The following CCDC7 variants were observed in gnomAD, a reference collection of about 807,000 sequenced individuals.
CCDC7 encodes coiled-coil domain containing 7, also known as coiled-coil domain-containing protein 7.
Under a neutral mutation model 196.9 loss-of-function variants are expected in CCDC7, and 183 were observed. That is an observed-to-expected ratio of 0.93 (90% CI 0.82 to 1.05). CCDC7 has a LOEUF of 1.05. CCDC7 is among the 50% of genes least tolerant of loss of function. CCDC7 has a pLI of 0.00. For missense variants in CCDC7, 1,540 were observed against 1,482.2 expected (o/e 1.04, Z -0.64); for synonymous variants, 525 against 484.6 (o/e 1.08, Z -1.10).
chr10:32,695,186 T>G (rs1018576442), intron 24 of CCDC7, among the ~76,000 whole-genome samples, 194 bp downstream of exon 25: 5 of 152,190 alleles, frequency 3.3e-5, no homozygotes, highest in African/African-American at 1.2e-4. Context: ...TGAGACTATT[T>G]TATGGCATGC....
intron 20 of CCDC7, among the ~76,000 whole-genome samples, chr10:32,641,984 A>T (rs2066890680): frequency 6.6e-6 from 1 of 152,124 alleles, no homozygotes; most frequent in African/African-American, 2.4e-5. Flanking sequence ...GTGAACAGCA[A>T]ATGTTGCTTC....
chr10:32,501,745 G>GC (rs1339101412), intron 9 of CCDC7, among the ~76,000 whole-genome samples: 1 of 152,186 alleles, frequency 6.6e-6, no homozygotes, highest in Non-Finnish European at 1.5e-5. Context: ...CCAGATGCCA[G>GC]CCAGAGCTCT....
At chr10:32,674,101 A>T (rs2074524590) in intron 21 of CCDC7, among the ~76,000 whole-genome samples, 2 of 148,322 alleles carry the variant, frequency 1.3e-5, no homozygotes, top group African/African-American at 2.5e-5. Context: ...TTCCTATTTT[A>T]TTTATTTCTG....
chr10:32,580,236 G>A (rs2058612440), intron 16 of CCDC7, among the ~76,000 whole-genome samples: 1 of 151,850 alleles, frequency 6.6e-6, no homozygotes, highest in African/African-American at 2.4e-5. Context: ...GGAGCTAGAT[G>A]TAGCTAGGCA....
chr10:32,842,469 A>G (rs1231571843), intron 33 of CCDC7, among the ~76,000 whole-genome samples: 1 of 152,138 alleles, frequency 6.6e-6, no homozygotes, highest in Non-Finnish European at 1.5e-5. Context: ...ATGCAGCGAA[A>G]AGGAAACATT....
chr10:32,576,303 A>T (rs371959350), intron 16 of CCDC7, among the ~76,000 whole-genome samples: 5 of 13,584 alleles, frequency 3.7e-4, no homozygotes, highest in South Asian at 8.9e-3. Context: ...AAAGGGGGTT[A>T]AAAAAAAAAA....
chr10:32,830,223 C>T (rs1217088459), intron 32 of CCDC7, among the ~76,000 whole-genome samples: 1 of 142,828 alleles, frequency 7.0e-6, no homozygotes, highest in Admixed American at 7.3e-5. Flanking sequence ...TTAGAAGCTT[C>T]ATGTTGCAGG....
intron 22 of CCDC7, among the ~76,000 whole-genome samples, chr10:32,688,309 T>C (rs2076697035): frequency 6.6e-6 from 1 of 152,340 alleles, no homozygotes; most frequent in South Asian, 2.1e-4. Flanking sequence ...AAACAATGTG[T>C]CATCATAGGC....
At chr10:32,601,302 C>T (rs2060973751) in intron 18 of CCDC7, among the ~76,000 whole-genome samples, 1 of 152,112 alleles carries the variant, frequency 6.6e-6, no homozygotes, top group African/African-American at 2.4e-5. Context: ...AACTCCTGAC[C>T]TCAAGTAAAC....
chr10:32,611,020 C>A (rs770558195), intron 18 of CCDC7, among the ~76,000 whole-genome samples: 4 of 152,174 alleles, frequency 2.6e-5, no homozygotes, highest in African/African-American at 4.8e-5. Flanking sequence ...AATGGTTGAA[C>A]TAATTGACAC....
intron 11 of CCDC7, among the ~76,000 whole-genome samples, chr10:32,529,418 A>G (rs73251592): frequency 0.013 from 1,931 of 152,278 alleles, 48 homozygotes; most frequent in African/African-American, 0.045. Flanking sequence ...TTTTTACTAT[A>G]TCCACACCAA....
intron 28 of CCDC7, among the ~76,000 whole-genome samples, chr10:32,772,886 G>A (rs932229156): frequency 7.9e-5 from 12 of 152,188 alleles, no homozygotes; most frequent in African/African-American, 1.9e-4. Flanking sequence ...CACCTGACTC[G>A]CAGTGTAGGC....
At chr10:32,695,402 G>A (rs1164789487) in intron 24 of CCDC7, among the ~76,000 whole-genome samples, 2 of 152,152 alleles carry the variant, frequency 1.3e-5, no homozygotes, top group African/African-American at 2.4e-5. Flanking sequence ...TATCAGAGAA[G>A]GCCAAGGGGA....
At chr10:32,786,317 T>G (rs528283597) in intron 29 of CCDC7, among the ~76,000 whole-genome samples, 1 of 152,290 alleles carries the variant, frequency 6.6e-6, no homozygotes, top group South Asian at 2.1e-4. Flanking sequence ...ATCACCCCTT[T>G]TAATATCCAA....
chr10:32,778,133 T>G (rs937660282), intron 28 of CCDC7, among the ~76,000 whole-genome samples: 7 of 152,216 alleles, frequency 4.6e-5, no homozygotes, highest in African/African-American at 1.4e-4. Context: ...ATTCTATAGG[T>G]TGTCTGTCTA....
At chr10:32,479,335 CTG>C (rs1221608777) in intron 8 of CCDC7, among the ~76,000 whole-genome samples, 3 of 152,142 alleles carry the variant, frequency 2.0e-5, no homozygotes, top group African/African-American at 7.2e-5. Context: ...TCACTGTTGA[CTG>C]TGTAGCTGTG....
At chr10:32,517,884 T>G in intron 9 of CCDC7, 61 bp from the exon 11 acceptor site, 1 of 1,550,934 alleles carries the variant, frequency 6.4e-7, no homozygotes, top group South Asian at 1.2e-5. Context: ...AATGTGTGTG[T>G]TTCATAAATT....
At position 32,861,587 on chromosome 10, in the gene CCDC7, T is replaced by C. The variant is rs1201772224; in HGVS notation, c.4111+7098T>C. ...ATTGACAAATGAGATCTAATTAAAC[T>C]AGAGCTTCTGCACAGCAAAAGAAAC... On this transcript the variant is annotated intron_variant, in intron 41 of 41. Transcript: ENST00000639629. Among the ~76,000 whole-genome samples the C allele has an allele frequency of 4.6e-5, 7 of 151,462 alleles. No homozygotes were observed. The East Asian group carries it at 1.4e-3, about 30-fold the overall frequency.
chr10:32,832,008 C>T (rs888394314), intron 32 of CCDC7, among the ~76,000 whole-genome samples: 5 of 152,146 alleles, frequency 3.3e-5, no homozygotes, highest in Non-Finnish European at 7.4e-5. Context: ...AGCATCATCA[C>T]AGGTTTGTGA....
Sources: gnomAD v4.1 joint callset for allele counts (sites outside exome capture counted in the v4.1 genomes callset) on GRCh38, gnomAD v4.1.1 for gene constraint, MANE v1.5 for transcripts, NCBI Gene and HGNC (gene_info 2026-07-23, HGNC 2026-07-21) for gene names.